VPS13B: variants seen among roughly 807,000 people sequenced by gnomAD.
VPS13B encodes intermembrane lipid transfer protein VPS13B.
Under a neutral mutation model 426.4 loss-of-function variants are expected in VPS13B, and 285 were observed. The ratio of observed to expected loss-of-function variants is 0.67; its 90% CI spans 0.61 to 0.74. VPS13B has a LOEUF of 0.74. Ranked by LOEUF, VPS13B falls within the 30% of genes least tolerant of loss-of-function variation. VPS13B has a pLI of 0.00. For synonymous variants in VPS13B, 1,676 were observed against 1,676.4 expected (o/e 1.00, Z 0.01); for missense variants, 4,537 against 4,782.6 (o/e 0.95, Z 1.51).
chr8:99,473,466 G>A (rs1819520599), intron 24 of VPS13B, among the ~76,000 whole-genome samples: 1 of 152,010 alleles, frequency 6.6e-6, no homozygotes, highest in South Asian at 2.1e-4. Context: ...AATTCAACAT[G>A]CATTCATGAT....
In VPS13B at chr8:99,531,282, G is replaced by A. The variant is rs1487021; in HGVS notation, c.4745+10272G>A. On this transcript the variant is annotated intron_variant, in intron 30 of 61. Coordinates refer to ENST00000357162, the MANE Select transcript of VPS13B (RefSeq NM_152564.5). ...GCATTTATTCTACAAATATAGCTCC[G>A]TAGCTAATGATTTTGATTGCCATCA... Among the ~76,000 whole-genome samples the A allele has an allele frequency of 5.0e-3, 763 of 152,218 alleles. 10 individuals are homozygous for A. Among genetic ancestry groups the A allele is most frequent in the African/African-American group, 0.017 (700 of 41,544 alleles).
intron 39 of VPS13B, among the ~76,000 whole-genome samples, chr8:99,754,427 G>T (rs1342190064): frequency 6.6e-6 from 1 of 152,076 alleles, no homozygotes; most frequent in Admixed American, 6.6e-5. Flanking sequence ...TACTCTTTAT[G>T]TTTAAAAGGA....
intron 19 of VPS13B, among the ~76,000 whole-genome samples, chr8:99,284,781 G>T (rs1221485839): frequency 6.6e-6 from 1 of 152,002 alleles, no homozygotes; most frequent in East Asian, 1.9e-4. Flanking sequence ...GGTTGGTCTT[G>T]AACTCCTACG....
chr8:99,605,785 G>C (rs1214347528), intron 33 of VPS13B, among the ~76,000 whole-genome samples: 2 of 152,114 alleles, frequency 1.3e-5, no homozygotes, highest in East Asian at 3.9e-4. Context: ...GCCTGAAGTT[G>C]GTCCTTTTTA....
chr8:99,234,493 C>T (rs915129601), intron 17 of VPS13B: 7 of 539,140 alleles, frequency 1.3e-5, no homozygotes, highest in East Asian at 5.1e-5. Flanking sequence ...CGACTCTACA[C>T]GCCGGTAGGG....
At chr8:99,611,485 T>A (rs1827843634) in intron 33 of VPS13B, among the ~76,000 whole-genome samples, 1 of 152,060 alleles carries the variant, frequency 6.6e-6, no homozygotes, top group Admixed American at 6.6e-5. Flanking sequence ...ATATGCATTA[T>A]CTCATTATCT....
At chr8:99,374,310 T>C (rs1036504684) in intron 19 of VPS13B, among the ~76,000 whole-genome samples, 4 of 151,994 alleles carry the variant, frequency 2.6e-5, no homozygotes, top group African/African-American at 9.7e-5. Flanking sequence ...TATGTCAGTT[T>C]GGGAAATCGT....
intron 58 of VPS13B, among the ~76,000 whole-genome samples, chr8:99,862,325 G>A: frequency 6.6e-6 from 1 of 152,194 alleles, no homozygotes. Context: ...CACACATGCT[G>A]AGCCGCTTCT....
chr8:99,536,587 A>G (rs769050384), intron 30 of VPS13B: 4 of 524,482 alleles, frequency 7.6e-6, no homozygotes, highest in Non-Finnish European at 1.6e-5. Flanking sequence ...CTGTAAAGGA[A>G]ATAATGTTTT....
At chr8:99,454,272 A>C (rs1336089745) in intron 23 of VPS13B, among the ~76,000 whole-genome samples, 1 of 151,766 alleles carries the variant, frequency 6.6e-6, no homozygotes, top group Non-Finnish European at 1.5e-5. Context: ...GCAGCCTCAA[A>C]CTCCTGTTCT....
chr8:99,711,401 TC>T (rs1330228622), intron 36 of VPS13B, among the ~76,000 whole-genome samples: 1 of 152,234 alleles, frequency 6.6e-6, no homozygotes, highest in Non-Finnish European at 1.5e-5. Flanking sequence ...CAATGGCTGT[TC>T]CTGTGTCCTC....
chr8:99,708,728 T>C (rs565521039), intron 36 of VPS13B, among the ~76,000 whole-genome samples: 19 of 152,266 alleles, frequency 1.2e-4, no homozygotes, highest in African/African-American at 4.1e-4. Context: ...AGCTTAAATG[T>C]CAGTGTCCAT....
At chr8:99,872,850 T>G (rs950527191) in intron 61 of VPS13B, among the ~76,000 whole-genome samples, 3 of 152,206 alleles carry the variant, frequency 2.0e-5, no homozygotes, top group African/African-American at 2.4e-5. Context: ...GGTAAAATTA[T>G]CTGAGAAGAT....
chr8:99,428,536 C>G (rs971671936), intron 21 of VPS13B, among the ~76,000 whole-genome samples: 1 of 152,140 alleles, frequency 6.6e-6, no homozygotes, highest in Non-Finnish European at 1.5e-5. Flanking sequence ...TGAAAAAATG[C>G]TCATCATCAC....
chr8:99,868,460 G>C lies in VPS13B; in HGVS notation c.11387G>C (p.Gly3796Ala), dbSNP rs756033256. 2 of 1,610,818 alleles carry C rather than the reference G, an allele frequency of 1.2e-6. No homozygotes were observed. Among genetic ancestry groups the C allele is most frequent in the Non-Finnish European group, 1.7e-6 (2 of 1,178,596 alleles). The change falls in exon 59 of 62, where the codon GGC becomes GCC. Residue 3796 changes from glycine (G) to alanine (A), a missense_variant. Around this residue, in one of 2 missense-constraint regions of VPS13B, gnomAD observed 4,311 missense variants for 4,474.3 expected, o/e 0.96. Transcript: ENST00000357162. Reference protein sequence around the residue: ...GGAAELVSQTGYGILHGAGLS... With the variant: ...GGAAELVSQTAYGILHGAGLS... ...GCTGCTGAGCTGGTGTCACAGACTG[G>C]CTATGGTAAGTCGGTGGAAAACCCA...
At chr8:99,658,312 A>C (rs1380761897) in intron 34 of VPS13B, among the ~76,000 whole-genome samples, 2 of 152,154 alleles carry the variant, frequency 1.3e-5, no homozygotes, top group Admixed American at 1.3e-4. Flanking sequence ...AAACACTAAT[A>C]CTCAGAATAT....
chr8:99,706,382 T>G (rs990091133), intron 36 of VPS13B, among the ~76,000 whole-genome samples: 10 of 152,176 alleles, frequency 6.6e-5, no homozygotes, highest in African/African-American at 2.4e-4. Flanking sequence ...ACACATCCCT[T>G]GTATTTTTAC....
intron 19 of VPS13B, among the ~76,000 whole-genome samples, chr8:99,278,751 T>C (rs970029269): frequency 2.0e-5 from 3 of 152,208 alleles, no homozygotes; most frequent in Non-Finnish European, 4.4e-5. Flanking sequence ...TATTAAGCAC[T>C]GTCAAAAGAG....
rs537261345 is a variant in VPS13B at position 99,866,196 on chromosome 8, T to G, written c.11216-2093T>G. ...CTCCTGAAAGCCTTCGAGCAGAGTT[T>G]AAGTCTATGACAGTCCATAATTTAC... On this transcript the variant is annotated intron_variant, in intron 58 of 61. Coordinates refer to ENST00000357162, the MANE Select transcript of VPS13B (RefSeq NM_152564.5). Among the ~76,000 whole-genome samples, 6 of 152,372 alleles carry G rather than the reference T, an allele frequency of 3.9e-5. No homozygotes were observed. The East Asian group carries it at 9.6e-4, about 24-fold the overall frequency.
Sources: gnomAD v4.1 joint callset for allele counts (sites outside exome capture counted in the v4.1 genomes callset) on GRCh38, gnomAD v4.1.1 for gene constraint, gnomAD v4.1.1 regional missense constraint, MANE v1.5 for transcripts, NCBI Gene and HGNC (gene_info 2026-07-23, HGNC 2026-07-21) for gene names.